RIN3: variants seen among roughly 807,000 people sequenced by gnomAD.
The protein encoded by RIN3 is Ras and Rab interactor 3.
In RIN3, 54 loss-of-function variants were observed where a neutral mutation model predicts 76.3. The ratio of observed to expected loss-of-function variants is 0.71; its 90% CI spans 0.57 to 0.89. The LOEUF (loss-of-function observed/expected upper bound fraction) is 0.89. Ranked by LOEUF, RIN3 falls within the 40% of genes least tolerant of loss-of-function variation. RIN3 has a pLI of 0.00. For synonymous variants in RIN3, 576 were observed against 564.0 expected (o/e 1.02, Z -0.30); for missense variants, 1,256 against 1,322.1 (o/e 0.95, Z 0.78).
intron 8 of RIN3, among the ~76,000 whole-genome samples, chr14:92,679,736 G>A (rs931297135): frequency 6.6e-6 from 1 of 152,174 alleles, no homozygotes; most frequent in South Asian, 2.1e-4. Context: ...AGATGCTTAG[G>A]GTGGGAGGTG....
chr14:92,683,703 T>G (rs1888745799), intron 8 of RIN3, among the ~76,000 whole-genome samples: 1 of 152,192 alleles, frequency 6.6e-6, no homozygotes, highest in South Asian at 2.1e-4. Context: ...GCCCAGGAGT[T>G]GGAGGCTCCA....
chr14:92,645,544 TC>T (rs1887165762), intron 5 of RIN3, among the ~76,000 whole-genome samples: 2 of 152,188 alleles, frequency 1.3e-5, no homozygotes, highest in Non-Finnish European at 2.9e-5. Context: ...GAATAAAATG[TC>T]TAGAATAGGC....
rs555340418 is a variant in RIN3, at chr14:92,630,717, CCACAGGG to C, written c.441-10515_441-10509del. On this transcript the variant is annotated intron_variant, in intron 4 of 9. Coordinates refer to ENST00000216487, the MANE Select transcript of RIN3 (RefSeq NM_024832.5). ...AACTCCCAGGGTACCCTTAAGGAGGCCACAGGGCACAGAGCCTGGCATCACTGTATTT... is the reference window on the plus strand; with the variant it reads ...AACTCCCAGGGTACCCTTAAGGAGGCCACAGAGCCTGGCATCACTGTATTT... Among the ~76,000 whole-genome samples the C allele has an allele frequency of 3.5e-3, 532 of 152,340 alleles. 5 individuals carry two copies. The highest frequency in any genetic ancestry group is 0.012 in the African/African-American group (484 of 41,580).
intron 3 of RIN3, among the ~76,000 whole-genome samples, chr14:92,583,907 A>C (rs1416350784): frequency 1.3e-5 from 2 of 152,168 alleles, no homozygotes; most frequent in Non-Finnish European, 2.9e-5. Flanking sequence ...TGCACAGTTC[A>C]CAATAGGGTT....
chr14:92,648,367 G>C lies in RIN3; in HGVS notation c.533-3215G>C, dbSNP rs1276971224. 2.0e-5 allele frequency among the ~76,000 whole-genome samples: 3 copies of C among 152,226 alleles called. No homozygotes were observed. The highest frequency in any genetic ancestry group is 7.2e-5 in the African/African-American group (3 of 41,464). On this transcript the variant is annotated intron_variant, in intron 5 of 9. Coordinates refer to ENST00000216487, the MANE Select transcript of RIN3 (RefSeq NM_024832.5). The surrounding 1 kb of genome is among the most constrained non-coding windows in gnomAD (Gnocchi z 4.1). ...GCCAAAATCCACACCTGAGCAATGGGAAATGTTGTCTTCTGTTCTGTGCCT... is the reference window on the plus strand; with the variant it reads ...GCCAAAATCCACACCTGAGCAATGGCAAATGTTGTCTTCTGTTCTGTGCCT...
intron 2 of RIN3, among the ~76,000 whole-genome samples, chr14:92,572,169 C>G (rs1236642597): frequency 6.6e-6 from 1 of 152,228 alleles, no homozygotes; most frequent in African/African-American, 2.4e-5. Context: ...TCCGTCCCTT[C>G]TCCCCTGAGT....
At chr14:92,612,589 T>C (rs1885784153) in intron 3 of RIN3, among the ~76,000 whole-genome samples, 1 of 152,196 alleles carries the variant, frequency 6.6e-6, no homozygotes, top group Non-Finnish European at 1.5e-5. Flanking sequence ...TGCTGGATGC[T>C]AAGGGAGACT....
chr14:92,580,192 A>C (rs192843621), intron 3 of RIN3, among the ~76,000 whole-genome samples: 40 of 152,362 alleles, frequency 2.6e-4, no homozygotes, highest in African/African-American at 7.2e-4. Flanking sequence ...AACATGGTGA[A>C]ACCCTGTCTC....
intron 4 of RIN3, among the ~76,000 whole-genome samples, chr14:92,621,250 A>AAAAAAAAAAAAAAAAAAAAT (rs1886169445): frequency 6.6e-6 from 1 of 151,258 alleles, no homozygotes; most frequent in Non-Finnish European, 1.5e-5. Flanking sequence ...AAAAAAAAAA[A>AAAAAAAAAAAAAAAAAAAAT]AAAAAGAATT....
chr14:92,536,341 A>G (rs1343463086), intron 1 of RIN3, among the ~76,000 whole-genome samples: 1 of 152,092 alleles, frequency 6.6e-6, no homozygotes, highest in Non-Finnish European at 1.5e-5. Flanking sequence ...CTGTCCTTCT[A>G]TCTCTCCATT....
intron 3 of RIN3, among the ~76,000 whole-genome samples, chr14:92,587,115 G>A (rs1884805614): frequency 6.6e-6 from 1 of 152,208 alleles, no homozygotes; most frequent in African/African-American, 2.4e-5. Context: ...TTAGAGATTT[G>A]GTTTGTAGTG....
chr14:92,547,085 A>ATCTT (rs1566836566), intron 1 of RIN3, among the ~76,000 whole-genome samples: 2 of 68,438 alleles, frequency 2.9e-5, no homozygotes, highest in African/African-American at 9.3e-5. Flanking sequence ...ATATTATATT[A>ATCTT]TATTATATTA....
intron 7 of RIN3, among the ~76,000 whole-genome samples, chr14:92,673,955 G>C (rs1163170588): frequency 6.6e-6 from 1 of 152,192 alleles, no homozygotes; most frequent in Non-Finnish European, 1.5e-5. Flanking sequence ...TTGGCAACCA[G>C]ATTTTAGATA....
rs745806009 is a variant in RIN3, at chr14:92,652,501, C to T, written c.1452C>T (p.Cys484=). 11 of 1,614,094 alleles carry T rather than the reference C, an allele frequency of 6.8e-6. 1 individual carries two copies. In the South Asian group the frequency reaches 1.1e-4, roughly 16 times the overall value. ...CTCCCTTAGAGAACGCTGAGCTCTG[C>T]ACACAGGCGATGGCCTTGGAGACAC... is the stretch of plus-strand genomic sequence containing the variant. ...LPAPLENAEL[C]TQAMALETPT... is the part of the protein sequence containing the mutation. The change falls in exon 6 of 10, where the codon TGC becomes TGT. Residue 484 remains cysteine (C), a synonymous_variant. Coordinates refer to ENST00000216487, the MANE Select transcript of RIN3 (RefSeq NM_024832.5). The surrounding 1 kb of genome is among the most constrained non-coding windows in gnomAD (Gnocchi z 6.4).
intron 1 of RIN3, among the ~76,000 whole-genome samples, chr14:92,545,497 G>A (rs1368040279): frequency 6.6e-6 from 1 of 151,820 alleles, no homozygotes; most frequent in African/African-American, 2.4e-5. Context: ...CCTTTCGCCA[G>A]ATTCATCAAT....
At chr14:92,671,161 C>A (rs942699753) in intron 7 of RIN3, among the ~76,000 whole-genome samples, 1 of 152,224 alleles carries the variant, frequency 6.6e-6, no homozygotes, top group South Asian at 2.1e-4. Flanking sequence ...CTGGCTCACA[C>A]AGCCTCCATC....
At chr14:92,522,989 C>A (rs1236531843) in intron 1 of RIN3, among the ~76,000 whole-genome samples, 2 of 152,184 alleles carry the variant, frequency 1.3e-5, no homozygotes, top group Non-Finnish European at 2.9e-5. Context: ...AGCATAGAAG[C>A]TATGCAGGAT....
chr14:92,661,760 A>ACACACACACACAC (rs1419895576), intron 7 of RIN3, among the ~76,000 whole-genome samples: 12,445 of 127,150 alleles, frequency 0.098, 646 homozygotes, highest in Non-Finnish European at 0.11. Context: ...CACACACACA[A>ACACACACACACAC]AAAATAGAAT....
At chr14:92,549,139 C>T (rs1365435147) in intron 1 of RIN3, among the ~76,000 whole-genome samples, 1 of 152,198 alleles carries the variant, frequency 6.6e-6, no homozygotes, top group Non-Finnish European at 1.5e-5. Context: ...CCTCTAAGGC[C>T]AGGGACCAGG....
Sources: gnomAD v4.1 joint callset for allele counts (sites outside exome capture counted in the v4.1 genomes callset) on GRCh38, gnomAD v4.1.1 for gene constraint, Gnocchi (gnomAD v3.1) non-coding constraint, MANE v1.5 for transcripts, NCBI Gene and HGNC (gene_info 2026-07-23, HGNC 2026-07-21) for gene names.